ZNF282: variants seen among roughly 807,000 people sequenced by gnomAD.
ZNF282 encodes HTLV-I U5 repressive element-binding protein 1.
ZNF282 carries 30 observed loss-of-function variants against 61.9 expected under a neutral mutation model. The ratio of observed to expected loss-of-function variants is 0.48; its 90% CI spans 0.36 to 0.66. The LOEUF is 0.66. ZNF282 is among the 30% of genes least tolerant of loss of function. ZNF282 has a pLI of 0.00. For missense variants in ZNF282, 788 were observed against 941.4 expected, an observed-to-expected ratio of 0.84 and a Z score of 2.13; for synonymous variants, 396 against 405.0, an observed-to-expected ratio of 0.98 and a Z score of 0.27.
chr7:149,210,637 G>A lies in ZNF282; in HGVS notation c.885G>A (p.Glu295=). The A allele has an allele frequency of 6.2e-7, 1 of 1,612,396 alleles. No homozygotes were observed. Among genetic ancestry groups the A allele is most frequent in the Non-Finnish European group, 8.5e-7 (1 of 1,179,450 alleles). ...AQDASSQVKR[E]DTLCVRGQRG... ...ATGCGTCCTCCCAGGTGAAGCGTGAGGACACCCTGTGTGTCCGGGGTCAGC... is the reference window on the plus strand; with the variant it reads ...ATGCGTCCTCCCAGGTGAAGCGTGAAGACACCCTGTGTGTCCGGGGTCAGC... Residue 295 remains glutamate (E), a synonymous_variant, in exon 5 of 8, where the codon GAG becomes GAA. Coordinates refer to ENST00000610704, the MANE Select transcript of ZNF282 (RefSeq NM_003575.4).
At chr7:149,206,872 T>C (rs1315745083) in intron 3 of ZNF282, 50 bp downstream of exon 3, 7 of 1,607,632 alleles carry the variant, frequency 4.4e-6, no homozygotes, top group East Asian at 2.2e-5. Context: ...CAGAGGGTTG[T>C]GAAATGCTTA....
chr7:149,220,180 G>A (rs748810586), intron 7 of ZNF282, among the ~76,000 whole-genome samples: 7 of 152,128 alleles, frequency 4.6e-5, no homozygotes, highest in Non-Finnish European at 1.0e-4. Flanking sequence ...AGGCCGAGAC[G>A]GGCGGATCCT....
intron 2 of ZNF282, among the ~76,000 whole-genome samples, chr7:149,201,704 A>G (rs1486674682): frequency 2.0e-5 from 3 of 152,116 alleles, no homozygotes; most frequent in Admixed American, 2.0e-4. Flanking sequence ...GTGAGCTGAG[A>G]TCTTACCACT....
chr7:149,215,651 A>G (rs1041475813), intron 7 of ZNF282, among the ~76,000 whole-genome samples: 1 of 152,182 alleles, frequency 6.6e-6, no homozygotes, highest in Non-Finnish European at 1.5e-5. Context: ...GCCTGGAGGA[A>G]TTGGCAGGAA....
chr7:149,207,324 CT>C, intron 3 of ZNF282, 26 bp from the exon 4 acceptor site: 1 of 1,580,824 alleles, frequency 6.3e-7, no homozygotes, highest in Non-Finnish European at 8.6e-7. Flanking sequence ...TTCACTCAGC[CT>C]TTCCCTCCCT....
At chr7:149,217,913 A>G (rs907507590) in intron 7 of ZNF282, among the ~76,000 whole-genome samples, 8 of 151,976 alleles carry the variant, frequency 5.3e-5, no homozygotes, top group Non-Finnish European at 1.2e-4. Context: ...TGTATGACCT[A>G]TGGGCCAAGT....
chr7:149,200,631 T>C (rs1397416162), intron 2 of ZNF282, among the ~76,000 whole-genome samples: 1 of 152,218 alleles, frequency 6.6e-6, no homozygotes, highest in Non-Finnish European at 1.5e-5. Flanking sequence ...AGTCCCGCTC[T>C]GTTGCCCAGA....
In ZNF282 at chr7:149,195,578, A is replaced by G. The variant is rs1668141913; in HGVS notation, c.-12A>G. 2.5e-6 allele frequency: 4 copies of G among 1,608,630 alleles called. No homozygotes were observed. Reference sequence around the variant, plus strand: ...TCCCTGGCCGACCCGAGCGGGGAACAGCACTCCCAGGATGCAGTTTGTGTC... The same window carrying G: ...TCCCTGGCCGACCCGAGCGGGGAACGGCACTCCCAGGATGCAGTTTGTGTC... On this transcript the variant is annotated 5_prime_UTR_variant, in exon 1 of 8. Transcript: ENST00000610704.
Position 149,198,424 on chromosome 7 carries a change from T to G in ZNF282, c.257T>G (p.Met86Arg), listed in dbSNP as rs964169105. ...GCACCTGTCTTCCCCGACCGCATGA[T>G]GCGAGAGCCCCAGTTGCCCACAGCA... ...DRAPVFPDRMMREPQLPTAEI... is the reference protein window; with the variant it reads ...DRAPVFPDRMRREPQLPTAEI... Residue 86 changes from methionine (M) to arginine (R), a missense_variant, in exon 2 of 8, where the codon ATG becomes AGG. By Grantham distance (91) the Met-to-Arg change is moderately conservative. Around this residue, in one of 3 missense-constraint regions of ZNF282, gnomAD observed 137 missense variants for 135.4 expected, o/e 1.01. Transcript: ENST00000610704. This position sits in a 1 kb window ranked among gnomAD's most constrained non-coding sequence, Gnocchi z 4.3. The G allele has an allele frequency of 4.3e-6, 7 of 1,614,060 alleles. No homozygotes were observed. In the South Asian group the frequency reaches 7.7e-5, roughly 18 times the overall value.
At chr7:149,215,593 G>A (rs550132874) in intron 7 of ZNF282, among the ~76,000 whole-genome samples, 174 of 152,272 alleles carry the variant, frequency 1.1e-3, no homozygotes, top group South Asian at 4.8e-3. Flanking sequence ...TCAGGCAAGC[G>A]GATCACACTC....
chr7:149,207,096 G>A (rs1189677784), intron 3 of ZNF282, among the ~76,000 whole-genome samples: 22 of 152,054 alleles, frequency 1.4e-4, no homozygotes, highest in Admixed American at 1.4e-3. Flanking sequence ...ACCTCACCAC[G>A]CACCACATCC....
In ZNF282 at chr7:149,224,604, CCGGCGCCCCACGGCA is replaced by C. The variant is rs772129370; in HGVS notation, c.1974_1988del (p.Gly659_Gln663del). 1 of 1,560,174 alleles carries C rather than the reference CCGGCGCCCCACGGCA, an allele frequency of 6.4e-7. No homozygotes were observed. The highest frequency in any genetic ancestry group is 1.1e-5 in the South Asian group (1 of 87,278). On this transcript the variant is annotated inframe_deletion, in exon 8 of 8. Coordinates refer to ENST00000610704, the MANE Select transcript of ZNF282 (RefSeq NM_003575.4). ...CGCGTGCACAGCGGCGGCCCGGGCC[CCGGCGCCCCACGGCA>C]GCTCCCGCCGCCTCCTGAGCGAGAC... is the stretch of plus-strand genomic sequence containing the variant.
intron 2 of ZNF282, among the ~76,000 whole-genome samples, chr7:149,201,756 A>G (rs1795914059): frequency 6.6e-6 from 1 of 152,062 alleles, no homozygotes; most frequent in African/African-American, 2.4e-5. Flanking sequence ...TGTCTTAAAA[A>G]AAACCCAAAA....
chr7:149,217,907 T>C (rs1398138516), intron 7 of ZNF282, among the ~76,000 whole-genome samples: 2 of 151,928 alleles, frequency 1.3e-5, no homozygotes, highest in Non-Finnish European at 2.9e-5. Context: ...TGAGCATGTA[T>C]GACCTATGGG....
intron 7 of ZNF282, among the ~76,000 whole-genome samples, chr7:149,222,691 A>C (rs1796274974): frequency 6.6e-6 from 1 of 152,086 alleles, no homozygotes; most frequent in Non-Finnish European, 1.5e-5. Flanking sequence ...CTCTGTCGCC[A>C]GGCTGGAGTG....
chr7:149,198,204 T>A lies in ZNF282; in HGVS notation c.166-129T>A. On this transcript the variant is annotated intron_variant, in intron 1 of 7. Transcript: ENST00000610704. The surrounding 1 kb of genome is among the most constrained non-coding windows in gnomAD (Gnocchi z 4.3). ...TGTTGCTGGGGGTGTTAGTGTATCCTGAGTTACGGGGGCCTGGCAGAAGAA... is the reference window on the plus strand; with the variant it reads ...TGTTGCTGGGGGTGTTAGTGTATCCAGAGTTACGGGGGCCTGGCAGAAGAA... The A allele has an allele frequency of 9.0e-7, 1 of 1,107,472 alleles. No homozygotes were observed. The allele number at this position is 1,107,472 out of a possible 1,614,324, so 68.6% of individuals were successfully genotyped here.
At chr7:149,203,020 T>G (rs937125281) in intron 2 of ZNF282, among the ~76,000 whole-genome samples, 2 of 152,212 alleles carry the variant, frequency 1.3e-5, no homozygotes, top group African/African-American at 4.8e-5. Flanking sequence ...TTGACGTTAC[T>G]CATTGAGGCT....
At chr7:149,207,818 G>A (rs989563408) in intron 4 of ZNF282, among the ~76,000 whole-genome samples, 5 of 152,330 alleles carry the variant, frequency 3.3e-5, no homozygotes, top group African/African-American at 9.6e-5. Context: ...AGGAGTCTGC[G>A]GCGCATGTGG....
In ZNF282 at chr7:149,224,940, C is replaced by T. The variant is rs1010390750; in HGVS notation, c.*293C>T. 9.6e-6 allele frequency: 4 copies of T among 416,752 alleles called. No individual in the cohort carries two copies. The highest frequency in any genetic ancestry group is 1.7e-5 in the Non-Finnish European group (4 of 233,472). The allele number at this position is 416,752 out of a possible 1,614,324, so 25.8% of individuals were successfully genotyped here. ...CTCGAGTGCCCTGGGACCACTGGGC[C>T]ACAGATGGTCATCAGGGGAAGCCAC... On this transcript the variant is annotated 3_prime_UTR_variant, in exon 8 of 8. Coordinates refer to ENST00000610704, the MANE Select transcript of ZNF282 (RefSeq NM_003575.4).
Sources: gnomAD v4.1 joint callset for allele counts (sites outside exome capture counted in the v4.1 genomes callset) on GRCh38, gnomAD v4.1.1 for gene constraint, gnomAD v4.1.1 regional missense constraint, Gnocchi (gnomAD v3.1) non-coding constraint, MANE v1.5 for transcripts, NCBI Gene and HGNC (gene_info 2026-07-23, HGNC 2026-07-21) for gene names.